The following ENPP3 variants were observed in gnomAD, a reference collection of about 807,000 sequenced individuals.
ENPP3 encodes ectonucleotide pyrophosphatase/phosphodiesterase family member 3.
In ENPP3, 104 loss-of-function variants were observed where a neutral mutation model predicts 117.8. The observed-to-expected ratio is 0.88, with a 90% CI of 0.75 to 1.04. The LOEUF (loss-of-function observed/expected upper bound fraction) is 1.04. Ranked by LOEUF, ENPP3 falls within the 50% of genes least tolerant of loss-of-function variation. The pLI is 0.00. For synonymous variants in ENPP3, 380 were observed against 349.9 expected, an observed-to-expected ratio of 1.09 and a Z score of -0.96; for missense variants, 1,026 against 1,051.9, an observed-to-expected ratio of 0.98 and a Z score of 0.34.
At position 131,696,709 on chromosome 6, in the gene ENPP3, A is replaced by G. The variant is rs117624324; in HGVS notation, c.1412+3085A>G. On this transcript the variant is annotated intron_variant, in intron 15 of 24. Transcript: ENST00000357639. ...GCCATCTGCTTGCCAAGCCTTGAACACTGCCAGGCCGCGTCCTTCAAAGGC... is the reference window on the plus strand; with the variant it reads ...GCCATCTGCTTGCCAAGCCTTGAACGCTGCCAGGCCGCGTCCTTCAAAGGC... Among the ~76,000 whole-genome samples the G allele has an allele frequency of 4.4e-4, 67 of 150,734 alleles. No individual in the cohort carries two copies. The East Asian group carries it at 0.012, about 28-fold the overall frequency.
intron 14 of ENPP3, among the ~76,000 whole-genome samples, chr6:131,687,038 G>A (rs565389882): frequency 9.2e-5 from 14 of 152,302 alleles, no homozygotes; most frequent in African/African-American, 3.4e-4. Context: ...CCCCAGTAAT[G>A]GGATTGCTGG....
intron 11 of ENPP3, 119 bp downstream of exon 11, chr6:131,678,059 A>G: frequency 1.7e-6 from 1 of 579,286 alleles, no homozygotes; most frequent in Non-Finnish European, 3.1e-6. Context: ...TACATACACA[A>G]GAAGATCAAA....
intron 13 of ENPP3, 130 bp downstream of exon 13, chr6:131,685,625 A>G: frequency 1.2e-6 from 1 of 869,448 alleles, no homozygotes; most frequent in Non-Finnish European, 1.8e-6. Flanking sequence ...ACAGAGAAAC[A>G]AGTGGGAAAT....
chr6:131,684,952 C>T (rs1281762992), intron 12 of ENPP3, among the ~76,000 whole-genome samples: 16 of 151,894 alleles, frequency 1.1e-4, no homozygotes, highest in African/African-American at 2.2e-4. Context: ...GCCTGGCTAA[C>T]GTTTGTATTT....
Position 131,722,244 on chromosome 6 carries a change from C to T in ENPP3, c.1585C>T (p.Pro529Ser), listed in dbSNP as rs1313037885. ...AAAAACAGATCTTCTACGCATTCAA[C>T]CAGCACCAAACAATGGAACCCATGG... The part of the protein sequence containing the change: ...NLMCDLLRIQ[P>S]APNNGTHGSL... The change falls in exon 18 of 25, where the codon CCA becomes TCA. Residue 529 changes from proline to serine, a missense_variant. Physicochemically the swap from Pro to Ser is moderately conservative, Grantham distance 74. Coordinates refer to ENST00000357639, the MANE Select transcript of ENPP3 (RefSeq NM_005021.5). The T allele has an allele frequency of 6.2e-7, 1 of 1,613,152 alleles. No homozygotes were observed. The highest frequency in any genetic ancestry group is 8.5e-7 in the Non-Finnish European group (1 of 1,179,718).
intron 5 of ENPP3, 107 bp from the exon 6 acceptor site, chr6:131,658,216 T>G: frequency 1.5e-6 from 1 of 665,830 alleles, no homozygotes; most frequent in East Asian, 2.8e-5. Context: ...GGCCCAAAAG[T>G]TACCCAATTA....
chr6:131,742,588 G>A (rs1447607408), intron 24 of ENPP3, among the ~76,000 whole-genome samples: 1 of 151,900 alleles, frequency 6.6e-6, no homozygotes, highest in Admixed American at 6.6e-5. Flanking sequence ...CAAAACTTCT[G>A]ATTATCCTGA....
At chr6:131,715,723 T>G (rs1779874064) in intron 15 of ENPP3, among the ~76,000 whole-genome samples, 1 of 152,194 alleles carries the variant, frequency 6.6e-6, no homozygotes, top group African/African-American at 2.4e-5. Context: ...ATGCAGAGAA[T>G]TTGGGGCCAA....
At chr6:131,639,036 A>G (rs1777985511) in intron 1 of ENPP3, among the ~76,000 whole-genome samples, 1 of 151,440 alleles carries the variant, frequency 6.6e-6, no homozygotes. Flanking sequence ...TTTCACACCA[A>G]TCTTGCCGCA....
chr6:131,730,929 A>AAG (rs1157826725), intron 20 of ENPP3, among the ~76,000 whole-genome samples: 1 of 151,952 alleles, frequency 6.6e-6, no homozygotes, highest in African/African-American at 2.4e-5. Flanking sequence ...AAAAAAAAAA[A>AAG]AAATTAGACT....
intron 15 of ENPP3, among the ~76,000 whole-genome samples, chr6:131,697,948 T>C (rs976664324): frequency 3.3e-5 from 5 of 152,198 alleles, no homozygotes; most frequent in African/African-American, 9.7e-5. Context: ...GGTGAAACTA[T>C]ATAGTGCATC....
intron 4 of ENPP3, 31 bp downstream of exon 4, chr6:131,652,698 C>A (rs1585619943): frequency 6.2e-7 from 1 of 1,613,496 alleles, no homozygotes; most frequent in Non-Finnish European, 8.5e-7. Flanking sequence ...TCATTTGCCC[C>A]TGCGAGTTTA....
chr6:131,694,966 A>G (rs1041718060), intron 15 of ENPP3, among the ~76,000 whole-genome samples: 1 of 151,602 alleles, frequency 6.6e-6, no homozygotes, highest in South Asian at 2.1e-4. Flanking sequence ...GGCTAAGCCT[A>G]TTCTGTAAGA....
chr6:131,658,303 A>G lies in ENPP3; in HGVS notation c.465-20A>G. The G allele has an allele frequency of 7.1e-7, 1 of 1,399,152 alleles. No homozygotes were observed. The allele number at this position is 1,399,152 out of a possible 1,614,324, so 86.7% of individuals were successfully genotyped here. ...TGTAGCTATCCAAAACAATGGACAA[A>G]TTTTGTTTTCCATTTTCAGGTTTGA... On this transcript the variant is annotated intron_variant, in intron 5 of 24. Transcript: ENST00000357639.
intron 2 of ENPP3, among the ~76,000 whole-genome samples, chr6:131,648,433 A>G (rs1455111894): frequency 1.3e-5 from 2 of 152,024 alleles, no homozygotes; most frequent in African/African-American, 2.4e-5. Context: ...TCCTTACCCT[A>G]TATAGCTGGC....
At chr6:131,706,296 C>T (rs1287337280) in intron 15 of ENPP3, among the ~76,000 whole-genome samples, 2 of 136,022 alleles carry the variant, frequency 1.5e-5, no homozygotes, top group Non-Finnish European at 3.0e-5. Flanking sequence ...TCCCAAAGTA[C>T]TGAGATTACA....
chr6:131,719,445 A>G (rs373555827), intron 16 of ENPP3, among the ~76,000 whole-genome samples: 1 of 151,902 alleles, frequency 6.6e-6, no homozygotes, highest in East Asian at 1.9e-4. Flanking sequence ...AGAAAAAAAA[A>G]TGTATTAGGC....
chr6:131,701,904 G>GAA (rs796659829), intron 15 of ENPP3, among the ~76,000 whole-genome samples: 4 of 101,922 alleles, frequency 3.9e-5, no homozygotes, highest in African/African-American at 9.4e-5. Flanking sequence ...AAAAAGAAAA[G>GAA]AAAAAAAAAA....
chr6:131,745,966 A>T (rs879601645), intron 24 of ENPP3, among the ~76,000 whole-genome samples: 1 of 152,080 alleles, frequency 6.6e-6, no homozygotes, highest in Non-Finnish European at 1.5e-5. Context: ...TAAAAATATT[A>T]AAAAATTAGC....
Sources: allele counts gnomAD v4.1 joint callset (sites outside exome capture counted in the v4.1 genomes callset), GRCh38; gene constraint gnomAD v4.1.1; transcripts MANE v1.5; gene names NCBI Gene and HGNC (gene_info 2026-07-23, HGNC 2026-07-21).